The following FUT8 variants were observed in gnomAD, a reference collection of about 807,000 sequenced individuals.
The protein encoded by FUT8 is fucosyltransferase 8.
Under a neutral mutation model 71.3 loss-of-function variants are expected in FUT8, and 29 were observed. The observed-to-expected ratio is 0.41, with a 90% confidence interval of 0.30 to 0.55. FUT8 has a LOEUF of 0.55. Among genes scored for constraint, FUT8 ranks in the 20% least tolerant of loss-of-function variants. The pLI is 0.34. For synonymous variants in FUT8, 254 were observed against 239.3 expected (o/e 1.06, Z -0.57); for missense variants, 544 against 702.1 (o/e 0.77, Z 2.55).
At chr14:65,548,303 G>C in intron 2 of FUT8, among the ~76,000 whole-genome samples, 1 of 151,878 alleles carries the variant, frequency 6.6e-6, no homozygotes, top group Non-Finnish European at 1.5e-5. Flanking sequence ...TTCCCTTTCT[G>C]TAATGTCATG....
chr14:65,624,431 T>C (rs537601775), intron 5 of FUT8, among the ~76,000 whole-genome samples: 1 of 152,254 alleles, frequency 6.6e-6, no homozygotes, highest in Non-Finnish European at 1.5e-5. Flanking sequence ...ACTAATTTAT[T>C]AAAAAAAGTA....
rs182091113 is a variant in FUT8 at position 65,729,431 on chromosome 14, T to C, written c.1260-3800T>C. Among the ~76,000 whole-genome samples the C allele has an allele frequency of 1.6e-3, 238 of 152,338 alleles. 2 individuals carry two copies. Among genetic ancestry groups the C allele is most frequent in the African/African-American group, 5.4e-3 (226 of 41,590 alleles). On this transcript the variant is annotated intron_variant, in intron 9 of 10. Transcript: ENST00000673929. ...CAGCTTATTTCCAATGTTTCATTCT[T>C]ATAAGTAATGCTATGACGTATGCCT...
the FUT8 span, among the ~76,000 whole-genome samples, chr14:65,385,836 C>A: frequency 8.2e-4 from 124 of 152,122 alleles, 2 homozygotes; most frequent in East Asian, 0.02. Flanking sequence ...GCCACGGCAC[C>A]CAGCCTATTA....
At chr14:65,420,632 A>G (rs2065279424) in intron 1 of FUT8, among the ~76,000 whole-genome samples, 1 of 152,050 alleles carries the variant, frequency 6.6e-6, no homozygotes, top group South Asian at 2.1e-4. Context: ...AGGGAAGTGC[A>G]TCTAAAGTTT....
chr14:65,530,383 G>A (rs1028148021), intron 2 of FUT8, among the ~76,000 whole-genome samples: 2 of 152,088 alleles, frequency 1.3e-5, no homozygotes, highest in African/African-American at 4.8e-5. Flanking sequence ...CATATACATT[G>A]TTTGTCCAGT....
intron 5 of FUT8, among the ~76,000 whole-genome samples, chr14:65,625,486 A>G (rs1357670924): frequency 6.6e-6 from 1 of 152,250 alleles, no homozygotes; most frequent in African/African-American, 2.4e-5. Flanking sequence ...TCTGCATTGT[A>G]GGTTTGGTTT....
chr14:65,584,264 C>T (rs1887255447), intron 3 of FUT8, among the ~76,000 whole-genome samples: 1 of 150,902 alleles, frequency 6.6e-6, no homozygotes, highest in Non-Finnish European at 1.5e-5. Context: ...CTGCAAACTC[C>T]GCCTCCCAGA....
At chr14:65,630,421 C>A (rs1890123823) in intron 6 of FUT8, among the ~76,000 whole-genome samples, 1 of 151,988 alleles carries the variant, frequency 6.6e-6, no homozygotes, top group Non-Finnish European at 1.5e-5. Context: ...TTTTGTTTTT[C>A]TGCTTAATAT....
chr14:65,500,432 C>T (rs2066628730), intron 2 of FUT8, among the ~76,000 whole-genome samples: 1 of 152,070 alleles, frequency 6.6e-6, no homozygotes, highest in Non-Finnish European at 1.5e-5. Flanking sequence ...TAAGAGCCAC[C>T]ACTTTAGTTA....
intron 2 of FUT8, among the ~76,000 whole-genome samples, chr14:65,551,222 A>G (rs946423187): frequency 2.6e-5 from 4 of 152,182 alleles, no homozygotes; most frequent in South Asian, 4.1e-4. Context: ...CTGCTTGAAT[A>G]TGATTCTTGG....
chr14:65,621,252 T>G (rs753024065), intron 5 of FUT8, among the ~76,000 whole-genome samples: 44 of 152,248 alleles, frequency 2.9e-4, no homozygotes, highest in South Asian at 1.0e-3. Context: ...CCTGTTTTTT[T>G]TTTTGTTTTG....
At chr14:65,512,663 C>G (rs1294122217) in intron 2 of FUT8, among the ~76,000 whole-genome samples, 1 of 151,908 alleles carries the variant, frequency 6.6e-6, no homozygotes, top group Non-Finnish European at 1.5e-5. Flanking sequence ...GTAATCCCAG[C>G]ACTTTGGGAG....
At chr14:65,389,912 G>A in the FUT8 span, among the ~76,000 whole-genome samples, 5,173 of 151,360 alleles carry the variant, frequency 0.034, 110 homozygotes, top group Non-Finnish European at 0.053. Context: ...GGAGGCTGAG[G>A]TGGGCGGATC....
chr14:65,538,061 T>C (rs1884446457), intron 2 of FUT8, among the ~76,000 whole-genome samples: 1 of 152,144 alleles, frequency 6.6e-6, no homozygotes, highest in Non-Finnish European at 1.5e-5. Flanking sequence ...TGAGTTCAGG[T>C]CTGACTCTTT....
At chr14:65,560,133 T>A (rs565032324) in intron 2 of FUT8, among the ~76,000 whole-genome samples, 1 of 152,228 alleles carries the variant, frequency 6.6e-6, no homozygotes, top group East Asian at 1.9e-4. Flanking sequence ...AGAAAAATAG[T>A]GGCCCTGTGC....
chr14:65,375,315 A>G, the FUT8 span, among the ~76,000 whole-genome samples: 1 of 152,164 alleles, frequency 6.6e-6, no homozygotes, highest in Non-Finnish European at 1.5e-5. Context: ...ACATGGACAT[A>G]AATAGCAAGA....
rs147749443 is a variant in FUT8 at position 65,590,834 on chromosome 14, G to T, written c.204-25144G>T. Reference sequence around the variant, plus strand: ...GATAGTAGTATTCTTTCACCTTCTGGCACTCCATCTCCCTGGATAAAATTC... The same window carrying T: ...GATAGTAGTATTCTTTCACCTTCTGTCACTCCATCTCCCTGGATAAAATTC... On this transcript the variant is annotated intron_variant, in intron 3 of 10. Coordinates refer to ENST00000673929, the MANE Select transcript of FUT8 (RefSeq NM_001371533.1). Among the ~76,000 whole-genome samples the T allele has an allele frequency of 3.9e-5, 6 of 152,196 alleles. No homozygotes were observed. The East Asian group carries it at 9.6e-4, about 24-fold the overall frequency.
chr14:65,556,116 A>G (rs1188071172), intron 2 of FUT8, among the ~76,000 whole-genome samples: 1 of 152,216 alleles, frequency 6.6e-6, no homozygotes, highest in Non-Finnish European at 1.5e-5. Flanking sequence ...GGAGGTAGTC[A>G]TATGTATTAA....
intron 7 of FUT8, among the ~76,000 whole-genome samples, chr14:65,708,420 G>T (rs1489197423): frequency 1.3e-5 from 2 of 152,138 alleles, no homozygotes; most frequent in Non-Finnish European, 2.9e-5. Flanking sequence ...TATGAAAATG[G>T]ACTAATACAG....
Sources: allele counts gnomAD v4.1 joint callset (sites outside exome capture counted in the v4.1 genomes callset), GRCh38; gene constraint gnomAD v4.1.1; transcripts MANE v1.5; gene names NCBI Gene and HGNC (gene_info 2026-07-23, HGNC 2026-07-21).